The following GNAS variants were observed in gnomAD, a reference collection of about 807,000 sequenced individuals.
GNAS encodes the protein GNAS complex locus.
Under a neutral mutation model 54.5 loss-of-function variants are expected in GNAS, and 8 were observed. That is an observed-to-expected ratio of 0.15 (90% CI 0.09 to 0.26). The LOEUF is 0.26. Among genes scored for constraint, GNAS ranks in the 10% least tolerant of loss-of-function variants. The probability of loss-of-function intolerance (pLI) is 1.00; values close to 1 mark genes in which losing one functional copy is unlikely to be tolerated. For synonymous variants in GNAS, 204 were observed against 191.4 expected (o/e 1.07, Z -0.54); for missense variants, 170 against 529.8 (o/e 0.32, Z 6.67).
In GNAS at chr20:58,905,477, A is replaced by G. The variant is rs1351910420; in HGVS notation, c.527A>G (p.Gln176Arg). 6.4e-7 allele frequency: 1 copy of G among 1,552,298 alleles called. No individual in the cohort carries two copies. The part of the protein sequence containing the change: ...SNEYQLIDCA[Q>R]YFLDKIDVIK... Reference sequence around the variant, plus strand: ...GAGTACCAGCTGATTGACTGTGCCCAGTAGTAAGTAACCGCCACCCAACCC... The same window carrying G: ...GAGTACCAGCTGATTGACTGTGCCCGGTAGTAAGTAACCGCCACCCAACCC... Residue 176 changes from glutamine to arginine, a missense_variant, in exon 6 of 13, where the codon CAG becomes CGG. Transcript: ENST00000371085.
rs139418436 is a variant in GNAS, at chr20:58,886,308, G to A, written c.44-9304G>A. ...ACCATCTGTTTAAACAAGTTTTTTC[G>A]TTAGGTGACCTAGTGTTTTAGGTTA... On this transcript the variant is annotated intron_variant, in intron 1 of 12. Coordinates refer to the GNAS transcript ENST00000306090. Among the ~76,000 whole-genome samples the A allele has an allele frequency of 1.1e-3, 169 of 152,214 alleles. 2 individuals are homozygous for A. The highest frequency in any genetic ancestry group is 3.9e-3 in the African/African-American group (162 of 41,534).
intron 1 of GNAS, among the ~76,000 whole-genome samples, chr20:58,866,745 G>C (rs2087092375): frequency 6.6e-6 from 1 of 151,556 alleles, no homozygotes; most frequent in Non-Finnish European, 1.5e-5. Flanking sequence ...GATTCATTAG[G>C]GATCTAATTT....
At chr20:58,898,665 T>C in intron 2 of GNAS, 2 of 567,896 alleles carry the variant, frequency 3.5e-6, no homozygotes, top group Non-Finnish European at 6.3e-6. Context: ...AGAAAACAAT[T>C]ATCCATCCCT....
intron 1 of GNAS, chr20:58,854,050 G>A: frequency 6.2e-7 from 1 of 1,610,952 alleles, no homozygotes; most frequent in Admixed American, 1.7e-5. Context: ...GCGGCCTCGA[G>A]TGCGGTCCGC....
intron 1 of GNAS, among the ~76,000 whole-genome samples, chr20:58,885,626 A>G (rs2088540406): frequency 6.6e-6 from 1 of 152,234 alleles, no homozygotes; most frequent in African/African-American, 2.4e-5. Context: ...ACAAGAAAAA[A>G]AAATGTCCTA....
chr20:58,872,629 T>C (rs924574351), intron 1 of GNAS, among the ~76,000 whole-genome samples: 1 of 152,054 alleles, frequency 6.6e-6, no homozygotes, highest in African/African-American at 2.4e-5. Flanking sequence ...TCTTGGGTTA[T>C]GTTCATTAGA....
intron 6 of GNAS, among the ~76,000 whole-genome samples, chr20:58,906,590 G>A (rs1188002924): frequency 6.6e-6 from 1 of 152,184 alleles, no homozygotes; most frequent in Non-Finnish European, 1.5e-5. Flanking sequence ...GGAGTGCAGT[G>A]GTGCGACCTT....
At position 58,910,158 on chromosome 20, in the gene GNAS, C is replaced by A; in HGVS notation, c.970+77C>A. ...AAACGGTCAGGCTGAAAACCCCCAT[C>A]CCCCTCCCACCACCAAACCATAAAG... On this transcript the variant is annotated intron_variant, in intron 11 of 12. Transcript: ENST00000371085. This position sits in a 1 kb window ranked among gnomAD's most constrained non-coding sequence, Gnocchi z 5.8. The A allele has an allele frequency of 6.9e-7, 1 of 1,439,652 alleles. No homozygotes were observed. The highest frequency in any genetic ancestry group is 1.1e-5 in the South Asian group (1 of 87,432). The allele number at this position is 1,439,652 out of a possible 1,614,324, so 89.2% of individuals were successfully genotyped here.
intron 3 of GNAS, chr20:58,903,087 A>C: frequency 3.0e-6 from 1 of 336,290 alleles, no homozygotes; most frequent in South Asian, 2.4e-5. Context: ...TGGTTCTCTC[A>C]GTATGCTAGC....
At chr20:58,851,218 C>T (rs1485562421) in intron 1 of GNAS, among the ~76,000 whole-genome samples, 1 of 152,210 alleles carries the variant, frequency 6.6e-6, no homozygotes, top group Admixed American at 6.5e-5. Flanking sequence ...TCGCCTCCTT[C>T]CGTGCTGCGT....
At chr20:58,854,101 G>A (rs774008433) in intron 1 of GNAS, 4 of 1,612,422 alleles carry the variant, frequency 2.5e-6, no homozygotes, top group Non-Finnish European at 2.5e-6. Flanking sequence ...TGGGTCCCAG[G>A]CGCCATCGGC....
chr20:58,842,608 C>A, intron 1 of GNAS: 3 of 398,088 alleles, frequency 7.5e-6, no homozygotes, highest in Non-Finnish European at 1.3e-5. Flanking sequence ...ATGTTAGTCT[C>A]AGAAGTTTGG....
intron 1 of GNAS, among the ~76,000 whole-genome samples, chr20:58,861,570 T>G (rs2086783077): frequency 6.6e-6 from 1 of 152,200 alleles, no homozygotes; most frequent in Non-Finnish European, 1.5e-5. Flanking sequence ...GAGCCTCTCT[T>G]TGGGAGTTCT....
intron 1 of GNAS, chr20:58,855,298 T>G (rs774226238): frequency 6.3e-7 from 1 of 1,582,292 alleles, no homozygotes; most frequent in South Asian, 1.2e-5. Context: ...GACGAAAAGA[T>G]GGGCTACATG....
intron 1 of GNAS, chr20:58,854,391 C>T (rs2086335300): frequency 6.4e-7 from 1 of 1,566,322 alleles, no homozygotes; most frequent in South Asian, 1.2e-5. Context: ...AGTACCCTCT[C>T]CGGGGTACGG....
chr20:58,854,763 C>G, intron 1 of GNAS: 1 of 1,552,606 alleles, frequency 6.4e-7, no homozygotes, highest in Non-Finnish European at 8.7e-7. Flanking sequence ...TCCCACTGCC[C>G]CAGCCGCTTC....
chr20:58,846,270 G>A (rs6070636), intron 1 of GNAS, among the ~76,000 whole-genome samples: 2,353 of 152,238 alleles, frequency 0.015, 37 homozygotes, highest in Middle Eastern at 0.034. Context: ...AAGGTTGAGG[G>A]CAGCTTCAAG....
chr20:58,841,644 G>A lies in GNAS; in HGVS notation c.43+758G>A, dbSNP rs938107084. Reference sequence around the variant, plus strand: ...CGCGCCGGAGCTGACCTCTCCCGGCGGCGGGCGGTTAGGGGAAAGTACCTG... The same window carrying A: ...CGCGCCGGAGCTGACCTCTCCCGGCAGCGGGCGGTTAGGGGAAAGTACCTG... On this transcript the variant is annotated intron_variant, in intron 1 of 12. Transcript: ENST00000306090. This position sits in a 1 kb window ranked among gnomAD's most constrained non-coding sequence, Gnocchi z 5.0. 10 of 1,105,268 alleles carry A rather than the reference G, an allele frequency of 9.0e-6. No homozygotes were observed. In the East Asian group the frequency reaches 3.5e-4, roughly 38 times the overall value. The allele number at this position is 1,105,268 out of a possible 1,614,324, so 68.5% of individuals were successfully genotyped here.
intron 1 of GNAS, among the ~76,000 whole-genome samples, chr20:58,861,882 T>A (rs577162466): frequency 6.6e-6 from 1 of 151,786 alleles, no homozygotes; most frequent in African/African-American, 2.4e-5. Flanking sequence ...ATTTTGTATT[T>A]TTTGTAGAGA....
Sources: gnomAD v4.1 joint callset for allele counts (sites outside exome capture counted in the v4.1 genomes callset) on GRCh38, gnomAD v4.1.1 for gene constraint, Gnocchi (gnomAD v3.1) non-coding constraint, MANE v1.5 for transcripts, NCBI Gene and HGNC (gene_info 2026-07-23, HGNC 2026-07-21) for gene names.